OPCML: variants seen among roughly 807,000 people sequenced by gnomAD.
OPCML encodes opioid binding protein/cell adhesion molecule like, also known as opioid-binding protein/cell adhesion molecule.
OPCML carries 13 observed loss-of-function variants against 37.8 expected under a neutral mutation model. That is an observed-to-expected ratio of 0.34 (90% CI 0.22 to 0.55). The LOEUF (loss-of-function observed/expected upper bound fraction) is 0.55. Among genes scored for constraint, OPCML ranks in the 20% least tolerant of loss-of-function variants. The pLI is 0.91. For synonymous variants in OPCML, 176 were observed against 168.8 expected (o/e 1.04, Z -0.33); for missense variants, 341 against 435.6 (o/e 0.78, Z 1.93).
chr11:133,116,867 A>C (rs1431208843), intron 1 of OPCML, among the ~76,000 whole-genome samples: 1 of 150,238 alleles, frequency 6.7e-6, no homozygotes, highest in Non-Finnish European at 1.5e-5. Context: ...TTTAGTATTC[A>C]TTGATGATTA....
At chr11:132,632,693 A>C (rs1478949679) in intron 3 of OPCML, among the ~76,000 whole-genome samples, 2 of 151,358 alleles carry the variant, frequency 1.3e-5, no homozygotes, top group African/African-American at 4.9e-5. Context: ...CGAGGTAATC[A>C]CTCTCTCTTT....
chr11:133,497,844 C>T (rs139471396), intron 1 of OPCML, among the ~76,000 whole-genome samples: 53 of 152,328 alleles, frequency 3.5e-4, no homozygotes, highest in African/African-American at 1.2e-3. Context: ...TCCATTAATC[C>T]TCTTTATTAA....
intron 1 of OPCML, among the ~76,000 whole-genome samples, chr11:133,078,063 C>G (rs1263730851): frequency 6.6e-6 from 1 of 152,134 alleles, no homozygotes; most frequent in Non-Finnish European, 1.5e-5. Flanking sequence ...ACTTCTGAGT[C>G]CATCTCAGCC....
chr11:133,531,013 A>C (rs1948593952), intron 1 of OPCML, among the ~76,000 whole-genome samples: 1 of 152,224 alleles, frequency 6.6e-6, no homozygotes, highest in Non-Finnish European at 1.5e-5. Context: ...AAATCTTAGC[A>C]TTCCTGTCTG....
chr11:133,335,278 A>G (rs1344610020), intron 1 of OPCML, among the ~76,000 whole-genome samples: 1 of 152,212 alleles, frequency 6.6e-6, no homozygotes, highest in Non-Finnish European at 1.5e-5. Flanking sequence ...TGATTTCCCC[A>G]AAGTCATACA....
intron 1 of OPCML, among the ~76,000 whole-genome samples, chr11:133,098,048 C>T (rs1949029910): frequency 6.6e-6 from 1 of 152,028 alleles, no homozygotes; most frequent in South Asian, 2.1e-4. Flanking sequence ...AATACCAAAA[C>T]CATAAAAGAT....
At chr11:133,350,977 G>GTCACTACAAT (rs1944123560) in intron 1 of OPCML, among the ~76,000 whole-genome samples, 1 of 152,138 alleles carries the variant, frequency 6.6e-6, no homozygotes, top group African/African-American at 2.4e-5. Flanking sequence ...TGAGGAAGGA[G>GTCACTACAAT]TGGGGTTTTA....
At chr11:133,268,615 A>G (rs1309084152) in intron 1 of OPCML, among the ~76,000 whole-genome samples, 1 of 152,224 alleles carries the variant, frequency 6.6e-6, no homozygotes, top group Admixed American at 6.5e-5. Flanking sequence ...ATATGATTTA[A>G]TTATAGATTG....
chr11:133,386,521 A>C (rs1945058119), intron 1 of OPCML, among the ~76,000 whole-genome samples: 4 of 152,154 alleles, frequency 2.6e-5, no homozygotes, highest in Middle Eastern at 6.8e-3. Flanking sequence ...CTACTCTCTT[A>C]TCTTAGTGGG....
intron 2 of OPCML, among the ~76,000 whole-genome samples, chr11:132,769,278 C>A (rs1946562290): frequency 7.0e-6 from 1 of 143,716 alleles, no homozygotes. Flanking sequence ...CGCTCTGTTG[C>A]CCAGGCTGGA....
At chr11:132,779,297 G>A (rs1325533867) in intron 2 of OPCML, among the ~76,000 whole-genome samples, 1 of 152,072 alleles carries the variant, frequency 6.6e-6, no homozygotes, top group East Asian at 1.9e-4. Context: ...AACTTGAAAT[G>A]TATCACAGCG....
intron 3 of OPCML, among the ~76,000 whole-genome samples, chr11:132,554,883 T>TTTTTTTTTTTTTTTTTTTTC (rs1255603307): frequency 1.6e-5 from 2 of 125,740 alleles, no homozygotes; most frequent in African/African-American, 2.8e-5. Flanking sequence ...TTTTTTTTTT[T>TTTTTTTTTTTTTTTTTTTTC]TTTTTTTTCA....
intron 1 of OPCML, among the ~76,000 whole-genome samples, chr11:133,011,007 G>A (rs1344078824): frequency 6.6e-6 from 1 of 152,166 alleles, no homozygotes; most frequent in Non-Finnish European, 1.5e-5. Context: ...ACACTATCTG[G>A]AATTTTTTTA....
chr11:132,781,123 T>G (rs1403128061), intron 2 of OPCML, among the ~76,000 whole-genome samples: 1 of 152,090 alleles, frequency 6.6e-6, no homozygotes, highest in Non-Finnish European at 1.5e-5. Flanking sequence ...ACTTGGAGGA[T>G]GAATTTCATG....
chr11:133,473,589 G>A (rs1038145028), intron 1 of OPCML, among the ~76,000 whole-genome samples: 4 of 152,060 alleles, frequency 2.6e-5, no homozygotes, highest in African/African-American at 9.7e-5. Context: ...AAAATCAGAC[G>A]AGACTCAAAA....
chr11:132,665,651 T>C (rs1942187557), intron 2 of OPCML, among the ~76,000 whole-genome samples: 1 of 152,018 alleles, frequency 6.6e-6, no homozygotes. Context: ...AAAGTAAGGG[T>C]GAGCAGAAAG....
intron 2 of OPCML, among the ~76,000 whole-genome samples, chr11:132,765,866 C>T (rs1389518278): frequency 1.4e-4 from 21 of 152,092 alleles, no homozygotes. Flanking sequence ...TTCTTGGAGA[C>T]AGGCTTGACT....
intron 1 of OPCML, among the ~76,000 whole-genome samples, chr11:133,276,295 A>C (rs1034486598): frequency 6.6e-6 from 1 of 152,188 alleles, no homozygotes; most frequent in African/African-American, 2.4e-5. Flanking sequence ...AAGATTTACA[A>C]GTGGGAAAGA....
At chr11:133,146,415 A>G (rs1008681559) in intron 1 of OPCML, among the ~76,000 whole-genome samples, 1 of 151,600 alleles carries the variant, frequency 6.6e-6, no homozygotes, top group Non-Finnish European at 1.5e-5. Context: ...CCCGGGTTCA[A>G]GAGATTCTCC....
Sources: gnomAD v4.1 joint callset for allele counts (sites outside exome capture counted in the v4.1 genomes callset) on GRCh38, gnomAD v4.1.1 for gene constraint, MANE v1.5 for transcripts, NCBI Gene and HGNC (gene_info 2026-07-23, HGNC 2026-07-21) for gene names.